The following LPP variants were observed in gnomAD, a reference collection of about 807,000 sequenced individuals.
The protein encoded by LPP is lipoma-preferred partner.
LPP carries 38 observed loss-of-function variants against 60.4 expected under a neutral mutation model. The ratio of observed to expected loss-of-function variants is 0.63; its 90% CI spans 0.49 to 0.83. The LOEUF is 0.83. LPP is among the 40% of genes least tolerant of loss of function. The pLI is 0.00. For synonymous variants in LPP, 328 were observed against 290.8 expected, an observed-to-expected ratio of 1.13 and a Z score of -1.30; for missense variants, 902 against 783.6, an observed-to-expected ratio of 1.15 and a Z score of -1.80.
intron 6 of LPP, among the ~76,000 whole-genome samples, chr3:188,530,767 T>C (rs1821973167): frequency 6.6e-6 from 1 of 152,198 alleles, no homozygotes; most frequent in Non-Finnish European, 1.5e-5. Flanking sequence ...GAATTAGGCA[T>C]ATCAAAGACG....
chr3:188,667,449 G>A (rs1856033324), intron 7 of LPP, among the ~76,000 whole-genome samples: 1 of 150,718 alleles, frequency 6.6e-6, no homozygotes, highest in Non-Finnish European at 1.5e-5. Context: ...CTGCACTCCA[G>A]CCTGGGTGAC....
intron 5 of LPP, among the ~76,000 whole-genome samples, chr3:188,519,117 G>GC: frequency 6.6e-6 from 1 of 152,240 alleles, no homozygotes; most frequent in East Asian, 1.9e-4. Flanking sequence ...TACTCACAGT[G>GC]CCCCAAAATA....
At chr3:188,230,609 C>A (rs551080732) in intron 2 of LPP, among the ~76,000 whole-genome samples, 1 of 151,754 alleles carries the variant, frequency 6.6e-6, no homozygotes, top group Non-Finnish European at 1.5e-5. Flanking sequence ...AATGGAGAAG[C>A]CTCATCTCTA....
chr3:188,783,073 G>C (rs1257417612), intron 9 of LPP, among the ~76,000 whole-genome samples: 1 of 151,910 alleles, frequency 6.6e-6, no homozygotes, highest in Non-Finnish European at 1.5e-5. Context: ...TTTTTCCCCT[G>C]TCTTCTGAGT....
chr3:188,887,183 A>T lies in LPP; in HGVS notation c.*12704A>T, dbSNP rs76753865. The T allele has an allele frequency of 1.9e-3, 429 of 225,582 alleles. 2 individuals carry two copies. The East Asian group carries it at 0.02, about 10-fold the overall frequency. 14.0% of individuals were successfully genotyped at this position (225,582 alleles called of 1,614,324 possible). Reference sequence around the variant, plus strand: ...TCTGAATGTCGTTCCTCACCCCCAAATTGTTTAACTCTGCTTCCAAACTAG... The same window carrying T: ...TCTGAATGTCGTTCCTCACCCCCAATTTGTTTAACTCTGCTTCCAAACTAG... On this transcript the variant is annotated 3_prime_UTR_variant, in exon 12 of 12. Coordinates refer to ENST00000617246, the MANE Select transcript of LPP (RefSeq NM_001375462.1).
In LPP at chr3:188,352,517, T is replaced by C. The variant is rs532294646; in HGVS notation, c.-10+10798T>C. 3.3e-5 allele frequency among the ~76,000 whole-genome samples: 5 copies of C among 152,296 alleles called. No homozygotes were observed. In the South Asian group the frequency reaches 1.0e-3, roughly 32 times the overall value. On this transcript the variant is annotated intron_variant, in intron 3 of 11. Coordinates refer to ENST00000617246, the MANE Select transcript of LPP (RefSeq NM_001375462.1). This position sits in a 1 kb window ranked among gnomAD's most constrained non-coding sequence, Gnocchi z 4.4. ...GCCACTTGGAAACGGTTGGAAACTG[T>C]AGATCAGGCACAGACATTGAATGTT...
In LPP at chr3:188,707,883, G is replaced by A. The variant is rs1000623204; in HGVS notation, c.1114-384G>A. On this transcript the variant is annotated intron_variant, in intron 7 of 11. Coordinates refer to ENST00000617246, the MANE Select transcript of LPP (RefSeq NM_001375462.1). ...CCCTTATTTTGCTCTTCCTGCAGCT[G>A]TTTTTCTTTAATTATTAATGTGCCT... 3.3e-5 allele frequency among the ~76,000 whole-genome samples: 5 copies of A among 152,184 alleles called. No homozygotes were observed. The East Asian group carries it at 9.7e-4, about 29-fold the overall frequency.
intron 5 of LPP, among the ~76,000 whole-genome samples, chr3:188,500,729 G>A (rs1038549340): frequency 1.3e-5 from 2 of 152,044 alleles, no homozygotes; most frequent in African/African-American, 4.8e-5. Flanking sequence ...AATCTTCTTA[G>A]TATTCATAGC....
intron 4 of LPP, among the ~76,000 whole-genome samples, chr3:188,437,075 A>G (rs915139938): frequency 6.6e-6 from 1 of 152,236 alleles, no homozygotes; most frequent in Non-Finnish European, 1.5e-5. Flanking sequence ...CTTGGAATTA[A>G]GAACCATACC....
chr3:188,676,103 T>C (rs1346137033), intron 7 of LPP, among the ~76,000 whole-genome samples: 2 of 152,168 alleles, frequency 1.3e-5, no homozygotes, highest in Admixed American at 6.5e-5. Context: ...GGGAAAAATA[T>C]TAGAAAAGTG....
intron 3 of LPP, among the ~76,000 whole-genome samples, chr3:188,363,208 G>A (rs1444962830): frequency 6.6e-6 from 1 of 152,096 alleles, no homozygotes; most frequent in Admixed American, 6.5e-5. Flanking sequence ...CACCATTCAA[G>A]CTTTGATTTC....
At chr3:188,765,297 A>AACACACACACACACACACACACACAC (rs60149759) in intron 9 of LPP, among the ~76,000 whole-genome samples, 1 of 143,962 alleles carries the variant, frequency 6.9e-6, no homozygotes, top group Non-Finnish European at 1.5e-5. Context: ...TGTCTCACAC[A>AACACACACACACACACACACACACAC]ACACACACAC....
chr3:188,850,904 A>G (rs1462082948), intron 9 of LPP, among the ~76,000 whole-genome samples: 2 of 152,208 alleles, frequency 1.3e-5, no homozygotes, highest in Non-Finnish European at 2.9e-5. Flanking sequence ...GATGGAAGGT[A>G]TCCCTTTATT....
intron 4 of LPP, among the ~76,000 whole-genome samples, chr3:188,427,349 T>C (rs923590736): frequency 6.6e-6 from 1 of 152,248 alleles, no homozygotes. Flanking sequence ...GTTCCCTTTG[T>C]AGGTAACCTG....
chr3:188,240,236 A>C, intron 2 of LPP: 1 of 175,308 alleles, frequency 5.7e-6, no homozygotes, highest in East Asian at 9.9e-5. Flanking sequence ...TCCTTTTGGT[A>C]TCAAATTTTA....
chr3:188,851,895 G>A (rs1762758869), intron 9 of LPP, among the ~76,000 whole-genome samples: 1 of 152,196 alleles, frequency 6.6e-6, no homozygotes, highest in Non-Finnish European at 1.5e-5. Flanking sequence ...AGGCGTGGTG[G>A]CTCATGCCTT....
intron 8 of LPP, among the ~76,000 whole-genome samples, chr3:188,739,687 C>A (rs891767965): frequency 4.0e-5 from 6 of 151,878 alleles, no homozygotes; most frequent in Non-Finnish European, 2.9e-5. Flanking sequence ...CAAAAATATC[C>A]TTGATAAGCT....
chr3:188,850,767 G>A (rs1762502474), intron 9 of LPP, among the ~76,000 whole-genome samples: 2 of 152,196 alleles, frequency 1.3e-5, no homozygotes, highest in African/African-American at 4.8e-5. Context: ...GAACAGGGAA[G>A]CAGCAGTGCC....
chr3:188,777,963 T>A (rs941734082), intron 9 of LPP, among the ~76,000 whole-genome samples: 12 of 152,248 alleles, frequency 7.9e-5, no homozygotes, highest in African/African-American at 2.9e-4. Context: ...TTTAGAGAGT[T>A]GTGCTTGTAT....
Sources: gnomAD v4.1 joint callset for allele counts (sites outside exome capture counted in the v4.1 genomes callset) on GRCh38, gnomAD v4.1.1 for gene constraint, Gnocchi (gnomAD v3.1) non-coding constraint, MANE v1.5 for transcripts, NCBI Gene and HGNC (gene_info 2026-07-23, HGNC 2026-07-21) for gene names.